The following SPOCK3 variants were observed in gnomAD, a reference collection of about 807,000 sequenced individuals.
SPOCK3 encodes testican-3.
Under a neutral mutation model 56.6 loss-of-function variants are expected in SPOCK3, and 30 were observed. The observed-to-expected ratio is 0.53, with a 90% CI of 0.40 to 0.72. The LOEUF (loss-of-function observed/expected upper bound fraction) is 0.72, where lower values mean the gene tolerates loss of function less well. Ranked by LOEUF, SPOCK3 falls within the 30% of genes least tolerant of loss-of-function variation. The pLI, the probability that SPOCK3 is intolerant of heterozygous loss-of-function variation, is 0.00. For missense variants in SPOCK3, 527 were observed against 530.0 expected (o/e 0.99, Z 0.06); for synonymous variants, 196 against 183.3 (o/e 1.07, Z -0.56).
At chr4:166,830,762 G>A (rs1448142919) in intron 6 of SPOCK3, among the ~76,000 whole-genome samples, 1 of 151,896 alleles carries the variant, frequency 6.6e-6, no homozygotes, top group South Asian at 2.1e-4. Flanking sequence ...AAAAAGATCC[G>A]ACAATCATAT....
chr4:167,086,169 C>T (rs1758178383), intron 2 of SPOCK3, among the ~76,000 whole-genome samples: 1 of 151,892 alleles, frequency 6.6e-6, no homozygotes, highest in Non-Finnish European at 1.5e-5. Context: ...TTTTACTTAG[C>T]TTATTGATTT....
chr4:166,878,305 A>G (rs1383267563), intron 6 of SPOCK3, among the ~76,000 whole-genome samples: 1 of 152,066 alleles, frequency 6.6e-6, no homozygotes, highest in Non-Finnish European at 1.5e-5. Flanking sequence ...AAAGTTATAA[A>G]CAACACTTCT....
chr4:166,799,046 T>G (rs1188516232), intron 6 of SPOCK3, among the ~76,000 whole-genome samples: 1 of 152,084 alleles, frequency 6.6e-6, no homozygotes, highest in African/African-American at 2.4e-5. Flanking sequence ...ATAACAGTCT[T>G]GTTTGGGGGC....
chr4:166,851,089 CAGT>C (rs1480444233), intron 6 of SPOCK3, among the ~76,000 whole-genome samples: 2 of 152,194 alleles, frequency 1.3e-5, no homozygotes, highest in Admixed American at 1.3e-4. Flanking sequence ...TTGAAGAGAG[CAGT>C]GGTTCTCCCA....
chr4:166,840,761 A>G (rs1250343989), intron 6 of SPOCK3, among the ~76,000 whole-genome samples: 1 of 142,022 alleles, frequency 7.0e-6, no homozygotes, highest in African/African-American at 2.6e-5. Flanking sequence ...TCATCTTCCC[A>G]GAAGCAAAAG....
At chr4:166,889,529 T>C (rs902361745) in intron 5 of SPOCK3, among the ~76,000 whole-genome samples, 2 of 152,008 alleles carry the variant, frequency 1.3e-5, no homozygotes, top group African/African-American at 4.8e-5. Context: ...ATCTATTATA[T>C]GACATGAGTA....
intron 2 of SPOCK3, among the ~76,000 whole-genome samples, chr4:167,135,694 TGTGTG>T (rs1763060876): frequency 6.6e-6 from 1 of 151,406 alleles, no homozygotes; most frequent in African/African-American, 2.4e-5. Context: ...TGTGTGTGTG[TGTGTG>T]TGTGTGTGTG....
intron 6 of SPOCK3, among the ~76,000 whole-genome samples, chr4:166,867,505 G>T (rs1731968131): frequency 6.6e-6 from 1 of 151,828 alleles, no homozygotes; most frequent in South Asian, 2.1e-4. Flanking sequence ...ATCACATGTT[G>T]AGATGAATGG....
chr4:167,191,430 A>G (rs72701403), intron 2 of SPOCK3, among the ~76,000 whole-genome samples: 10,114 of 144,922 alleles, frequency 0.07, 1,214 homozygotes, highest in Admixed American at 0.1. Context: ...ATATCCATGG[A>G]TTATCTTTTC....
chr4:166,749,429 T>C (rs1044557729), intron 8 of SPOCK3, among the ~76,000 whole-genome samples: 2 of 151,452 alleles, frequency 1.3e-5, no homozygotes, highest in Non-Finnish European at 2.9e-5. Flanking sequence ...TAGGTGGGAA[T>C]TGAACAATGA....
chr4:167,006,111 T>C (rs543072608), intron 3 of SPOCK3, among the ~76,000 whole-genome samples: 7 of 152,310 alleles, frequency 4.6e-5, no homozygotes, highest in African/African-American at 1.7e-4. Flanking sequence ...TATAGTTCTT[T>C]TTTGTTTATG....
At chr4:166,955,556 ATAT>A (rs1394169808) in intron 4 of SPOCK3, among the ~76,000 whole-genome samples, 14 of 116,764 alleles carry the variant, frequency 1.2e-4, no homozygotes, top group Non-Finnish European at 1.7e-4. Context: ...AAATTATATT[ATAT>A]TATTAAATTT....
At chr4:167,170,626 A>G (rs1410978177) in intron 2 of SPOCK3, among the ~76,000 whole-genome samples, 2 of 152,182 alleles carry the variant, frequency 1.3e-5, no homozygotes. Context: ...CACAGCTGGA[A>G]AGTGGCAGAA....
At chr4:167,071,118 T>TC (rs1182413126) in intron 2 of SPOCK3, among the ~76,000 whole-genome samples, 4 of 152,100 alleles carry the variant, frequency 2.6e-5, no homozygotes, top group Non-Finnish European at 4.4e-5. Context: ...GAGGTTAGAA[T>TC]CCCTCTGAAT....
At chr4:166,785,289 A>G (rs866413471) in intron 7 of SPOCK3, among the ~76,000 whole-genome samples, 15 of 152,118 alleles carry the variant, frequency 9.9e-5, no homozygotes, top group Non-Finnish European at 1.6e-4. Flanking sequence ...TATAAAATAA[A>G]AATTAGGTGT....
Position 167,190,644 on chromosome 4 carries a change from T to G in SPOCK3, c.189+43341A>C, listed in dbSNP as rs543182877. ...AGTCTCACTTGTTTATTTTTGCTTT[T>G]GTTGCCTGTGCTTTTGGTATCATAT... On this transcript the variant is annotated intron_variant, in intron 2 of 10. Coordinates refer to ENST00000357545, the MANE Select transcript of SPOCK3 (RefSeq NM_001040159.2). Among the ~76,000 whole-genome samples the G allele has an allele frequency of 2.7e-5, 4 of 145,864 alleles. 2 individuals carry two copies. Among genetic ancestry groups the G allele is most frequent in the Non-Finnish European group, 6.0e-5 (4 of 66,788 alleles).
At chr4:167,123,729 ACATTT>A (rs1483525762) in intron 2 of SPOCK3, among the ~76,000 whole-genome samples, 7 of 147,638 alleles carry the variant, frequency 4.7e-5, no homozygotes, top group East Asian at 4.0e-4. Context: ...CTCCAACAAG[ACATTT>A]CTTTTCTTTT....
intron 8 of SPOCK3, among the ~76,000 whole-genome samples, chr4:166,744,881 G>T (rs1419817010): frequency 1.3e-5 from 2 of 152,024 alleles, no homozygotes; most frequent in Admixed American, 6.6e-5. Flanking sequence ...GGAAGAAAGG[G>T]TATCAGTGAT....
At chr4:166,959,002 C>G (rs932325762) in intron 4 of SPOCK3, among the ~76,000 whole-genome samples, 2 of 152,078 alleles carry the variant, frequency 1.3e-5, no homozygotes, top group African/African-American at 4.8e-5. Flanking sequence ...ATTTTATATT[C>G]AATGAAAACT....
Sources: gnomAD v4.1 joint callset for allele counts (sites outside exome capture counted in the v4.1 genomes callset) on GRCh38, gnomAD v4.1.1 for gene constraint, MANE v1.5 for transcripts, NCBI Gene and HGNC (gene_info 2026-07-23, HGNC 2026-07-21) for gene names.